SPIRE2: variants seen among roughly 807,000 people sequenced by gnomAD.
The protein encoded by SPIRE2 is spire type actin nucleation factor 2.
A neutral mutation model predicts 80.7 loss-of-function variants in SPIRE2; 76 were observed. The ratio of observed to expected loss-of-function variants is 0.94; its 90% CI spans 0.78 to 1.14. SPIRE2 has a LOEUF of 1.14. Ranked by LOEUF, SPIRE2 falls within the 50% of genes most tolerant of loss-of-function variation. The pLI, the probability that SPIRE2 is intolerant of heterozygous loss-of-function variation, is 0.00. For missense variants in SPIRE2, 1,196 were observed against 1,015.3 expected (o/e 1.18, Z -2.42); for synonymous variants, 535 against 432.6 (o/e 1.24, Z -2.94).
intron 12 of SPIRE2, among the ~76,000 whole-genome samples, chr16:89,866,050 G>A (rs1037713701): frequency 1.3e-5 from 2 of 151,620 alleles, no homozygotes; most frequent in African/African-American, 4.8e-5. Context: ...TTGGGAGGCT[G>A]AGGTGGGAGG....
At position 89,863,694 on chromosome 16, in the gene SPIRE2, G is replaced by A; in HGVS notation, c.1710+84G>A. 1 of 1,611,768 alleles carries A rather than the reference G, an allele frequency of 6.2e-7. No individual in the cohort carries two copies. Among genetic ancestry groups the A allele is most frequent in the South Asian group, 1.1e-5 (1 of 91,006 alleles). Reference sequence around the variant, plus strand: ...AGAGGGCCAGTTCCCAGGACTGTTTGCTCATGATCTGGTTGGGAGCCCTGA... The same window carrying A: ...AGAGGGCCAGTTCCCAGGACTGTTTACTCATGATCTGGTTGGGAGCCCTGA... On this transcript the variant is annotated intron_variant, in intron 11 of 14. Transcript: ENST00000378247. The surrounding 1 kb of genome is among the most constrained non-coding windows in gnomAD (Gnocchi z 4.3).
At chr16:89,848,912 G>A (rs2041592956) in intron 2 of SPIRE2, among the ~76,000 whole-genome samples, 1 of 135,980 alleles carries the variant, frequency 7.4e-6, no homozygotes, top group South Asian at 2.2e-4. Flanking sequence ...GCAGGTTCCA[G>A]GGCCTTCTGC....
intron 1 of SPIRE2, among the ~76,000 whole-genome samples, chr16:89,829,646 A>G (rs1405920553): frequency 6.6e-6 from 1 of 151,586 alleles, no homozygotes; most frequent in Non-Finnish European, 1.5e-5. Context: ...CAGAGCCACG[A>G]GGGGTGGGGG....
rs565283911 is a variant in SPIRE2, at chr16:89,830,744, T to C, written c.244+1950T>C. ...ATGGGCAGTAGGTGTGTAAAACCAC[T>C]TTGAAAAAAACCAACAACAAACTAG... On this transcript the variant is annotated intron_variant, in intron 1 of 14. Transcript: ENST00000378247. 8.0e-5 allele frequency among the ~76,000 whole-genome samples: 12 copies of C among 150,800 alleles called. No individual in the cohort carries two copies. The East Asian group carries it at 2.3e-3, about 29-fold the overall frequency.
intron 2 of SPIRE2, 179 bp downstream of exon 2, chr16:89,845,544 C>T (rs1035306311): frequency 1.9e-5 from 14 of 733,668 alleles, no homozygotes; most frequent in Non-Finnish European, 2.7e-5. Context: ...AGAGAGCAGA[C>T]GTGGAGGAGA....
At chr16:89,868,517 G>A (rs948777200) in intron 13 of SPIRE2, among the ~76,000 whole-genome samples, 4 of 152,148 alleles carry the variant, frequency 2.6e-5, no homozygotes, top group African/African-American at 9.7e-5. Flanking sequence ...TCTTATTGCA[G>A]TTGAGGTGTG....
At chr16:89,851,064 A>G (rs7185296) in intron 3 of SPIRE2, among the ~76,000 whole-genome samples, 115,704 of 151,954 alleles carry the variant, frequency 0.76, 45,625 homozygotes, top group East Asian at 1. Context: ...CAGGTGATCC[A>G]TCTGCGTCGG....
chr16:89,869,053 A>AAAAAAAAAATATATATATATAT, intron 13 of SPIRE2, among the ~76,000 whole-genome samples: 1 of 24,030 alleles, frequency 4.2e-5, no homozygotes, highest in Non-Finnish European at 7.5e-5. Flanking sequence ...AAAAAAAAAA[A>AAAAAAAAAATATATATATATAT]ATATATATAT....
At chr16:89,849,069 A>T (rs1441608551) in intron 2 of SPIRE2, among the ~76,000 whole-genome samples, 1 of 152,138 alleles carries the variant, frequency 6.6e-6, no homozygotes, top group African/African-American at 2.4e-5. Flanking sequence ...CCTGACTTTC[A>T]CCTGTTCTTG....
rs529825925 is a variant in SPIRE2, at chr16:89,844,989, A to C, written c.245-333A>C. ...CTGTGGGACCTGTTGGCTGCTCTCC[A>C]GCCCTGACTCGCCTTTGAGTGGTCA... On this transcript the variant is annotated intron_variant, in intron 1 of 14. Coordinates refer to ENST00000378247, the MANE Select transcript of SPIRE2 (RefSeq NM_032451.2). Among the ~76,000 whole-genome samples, 154 of 152,300 alleles carry C rather than the reference A, an allele frequency of 1.0e-3. 2 individuals are homozygous for C. Among genetic ancestry groups the C allele is most frequent in the African/African-American group, 3.4e-3 (140 of 41,564 alleles).
chr16:89,844,507 CG>C (rs1287737371), intron 1 of SPIRE2, among the ~76,000 whole-genome samples: 1 of 151,214 alleles, frequency 6.6e-6, no homozygotes, highest in Non-Finnish European at 1.5e-5. Context: ...GGTGCAATCT[CG>C]GCTCACTGCA....
In SPIRE2 at chr16:89,850,663, G is replaced by T; in HGVS notation, c.645+3G>T. The stretch of plus-strand genomic sequence containing the variant: ...CCAGGGTCCGGGAGGCCAAGGAGGT[G>T]AGCGGTGGGTGGGGGCGACCGTGGA... On this transcript the variant is annotated splice_donor_region_variant and intron_variant, in intron 3 of 14. Transcript: ENST00000378247. The T allele has an allele frequency of 6.8e-7, 1 of 1,478,694 alleles. No homozygotes were observed. Among genetic ancestry groups the T allele is most frequent in the Non-Finnish European group, 8.9e-7 (1 of 1,121,848 alleles). 91.6% of individuals were successfully genotyped at this position (1,478,694 alleles called of 1,614,324 possible). A position where few individuals can be genotyped will look rare whatever the true frequency, so the allele number is the denominator to read the frequency against.
intron 1 of SPIRE2, among the ~76,000 whole-genome samples, chr16:89,839,723 G>A (rs556094437): frequency 6.6e-6 from 1 of 152,344 alleles, no homozygotes; most frequent in South Asian, 2.1e-4. Context: ...ATCAAGATGT[G>A]TGAGGTCTTC....
intron 1 of SPIRE2, among the ~76,000 whole-genome samples, chr16:89,845,101 C>T (rs1027954044): frequency 6.6e-6 from 1 of 152,218 alleles, no homozygotes; most frequent in Non-Finnish European, 1.5e-5. Context: ...CCTTGCTCTC[C>T]CGGCCCCTGT....
In SPIRE2 at chr16:89,869,607, A is replaced by T. The variant is rs375651943; in HGVS notation, c.1847A>T (p.Tyr616Phe). 6.2e-7 allele frequency: 1 copy of T among 1,614,150 alleles called. No homozygotes were observed. Among genetic ancestry groups the T allele is most frequent in the Non-Finnish European group, 8.5e-7 (1 of 1,179,998 alleles). Residue 616 changes from tyrosine to phenylalanine, a missense_variant, in exon 14 of 15, where the codon TAC becomes TTC. Physicochemically the swap from Tyr to Phe is conservative, Grantham distance 22. Coordinates refer to ENST00000378247, the MANE Select transcript of SPIRE2 (RefSeq NM_032451.2). ...PSKKFGHIPVYTLGFESPQRV... is the reference protein window; with the variant it reads ...PSKKFGHIPVFTLGFESPQRV... The stretch of plus-strand genomic sequence containing the variant: ...AAGAAATTTGGACACATCCCTGTCT[A>T]CACACTGGGCTTTGAGAGTCCTCAG...
intron 1 of SPIRE2, among the ~76,000 whole-genome samples, chr16:89,843,678 TTTGTTTGTTTTTG>T (rs2041526133): frequency 4.3e-5 from 1 of 23,254 alleles, no homozygotes; most frequent in Non-Finnish European, 7.0e-5. Context: ...TTTTTTTTTT[TTTGTTTGTTTTTG>T]TTTTTTGTTT....
At chr16:89,844,860 G>T (rs950978065) in intron 1 of SPIRE2, among the ~76,000 whole-genome samples, 6 of 152,204 alleles carry the variant, frequency 3.9e-5, no homozygotes, top group African/African-American at 1.4e-4. Flanking sequence ...TGGGATTATA[G>T]GTGTGAGCCA....
chr16:89,842,716 C>A (rs749773645), intron 1 of SPIRE2, among the ~76,000 whole-genome samples: 4 of 152,212 alleles, frequency 2.6e-5, no homozygotes, highest in African/African-American at 9.7e-5. Context: ...TTCCAGGGAG[C>A]ACCTTTGTTT....
intron 6 of SPIRE2, 186 bp downstream of exon 6, chr16:89,855,872 TG>T (rs1263083473): frequency 2.2e-6 from 2 of 902,400 alleles, no homozygotes; most frequent in Non-Finnish European, 3.3e-6. Flanking sequence ...TGTGTGGCCC[TG>T]GGCCCTTTTT....
Sources: allele counts gnomAD v4.1 joint callset (sites outside exome capture counted in the v4.1 genomes callset), GRCh38; gene constraint gnomAD v4.1.1; non-coding constraint Gnocchi (gnomAD v3.1); transcripts MANE v1.5; gene names NCBI Gene and HGNC (gene_info 2026-07-23, HGNC 2026-07-21).